Variants in EPS15 observed in about 807,000 individuals in gnomAD.
The protein encoded by EPS15 is epidermal growth factor receptor substrate 15.
EPS15 carries 72 observed loss-of-function variants against 113.8 expected under a neutral mutation model. That is an observed-to-expected ratio of 0.63 (90% CI 0.52 to 0.77). The LOEUF (loss-of-function observed/expected upper bound fraction) is 0.77, where lower values mean the gene tolerates loss of function less well. EPS15 is among the 30% of genes least tolerant of loss of function. EPS15 has a pLI of 0.00. For missense variants in EPS15, 1,048 were observed against 1,045.8 expected (o/e 1.00, Z -0.03); for synonymous variants, 344 against 363.4 (o/e 0.95, Z 0.61).
intron 17 of EPS15, among the ~76,000 whole-genome samples, chr1:51,403,078 A>G (rs2148420247): frequency 6.6e-6 from 1 of 152,270 alleles, no homozygotes; most frequent in Non-Finnish European, 1.5e-5. Context: ...TTTTTAAAAT[A>G]TCATTTAATT....
At chr1:51,359,619 T>G (rs1646333847) in intron 24 of EPS15, among the ~76,000 whole-genome samples, 1 of 145,444 alleles carries the variant, frequency 6.9e-6, no homozygotes, top group African/African-American at 2.6e-5. Context: ...ATTAGCCAGG[T>G]GTGGTGGGTA....
intron 12 of EPS15, among the ~76,000 whole-genome samples, chr1:51,434,235 T>C (rs1173603652): frequency 6.6e-6 from 1 of 152,202 alleles, no homozygotes; most frequent in East Asian, 1.9e-4. Context: ...TGAAATGGTA[T>C]TTGTATGTTC....
intron 19 of EPS15, 34 bp downstream of exon 19, chr1:51,400,884 T>G: frequency 2.0e-6 from 3 of 1,473,132 alleles, no homozygotes; most frequent in Non-Finnish European, 2.8e-6. Flanking sequence ...CAGAAATGAA[T>G]GAAAGCTAAG....
chr1:51,376,434 C>T (rs573809887), intron 21 of EPS15, among the ~76,000 whole-genome samples: 9 of 152,266 alleles, frequency 5.9e-5, no homozygotes, highest in Admixed American at 4.6e-4. Flanking sequence ...GAGGCCAAGG[C>T]GGGCAGATCA....
At chr1:51,508,340 G>A (rs867212512) in intron 1 of EPS15, among the ~76,000 whole-genome samples, 4 of 98,424 alleles carry the variant, frequency 4.1e-5, no homozygotes, top group African/African-American at 1.8e-4. Context: ...GAGAAAGAGA[G>A]AAAGAAAGAA....
chr1:51,486,510 T>C (rs995387444), intron 1 of EPS15, among the ~76,000 whole-genome samples: 1 of 150,794 alleles, frequency 6.6e-6, no homozygotes, highest in African/African-American at 2.4e-5. Context: ...TAATCATAAA[T>C]AGGGACAACT....
At chr1:51,516,507 T>C (rs1465728615) in intron 1 of EPS15, among the ~76,000 whole-genome samples, 2 of 152,224 alleles carry the variant, frequency 1.3e-5, no homozygotes, top group Non-Finnish European at 2.9e-5. Context: ...TACTCTAGCA[T>C]TCTATCATCT....
intron 21 of EPS15, among the ~76,000 whole-genome samples, chr1:51,393,101 A>T (rs1287334466): frequency 6.6e-6 from 1 of 152,196 alleles, no homozygotes; most frequent in African/African-American, 2.4e-5. Context: ...TCCTTTTTGT[A>T]TTCCTCACTC....
intron 7 of EPS15, among the ~76,000 whole-genome samples, chr1:51,462,870 A>ATTTTTTTTTTTTTTT (rs34320767): frequency 1.1e-4 from 12 of 111,068 alleles, no homozygotes; most frequent in African/African-American, 2.5e-4. Flanking sequence ...AAAAAGTCAG[A>ATTTTTTTTTTTTTTT]TTTTTTTTTT....
At chr1:51,418,406 T>G (rs1443531039) in intron 13 of EPS15, among the ~76,000 whole-genome samples, 1 of 152,094 alleles carries the variant, frequency 6.6e-6, no homozygotes, top group Non-Finnish European at 1.5e-5. Flanking sequence ...ACGAACAGAT[T>G]TGGCCTTAAG....
Position 51,354,834 on chromosome 1 carries a change from G to A in EPS15, c.*1866C>T, listed in dbSNP as rs1343208998. The A allele has an allele frequency of 1.0e-5, 2 of 200,082 alleles. No individual in the cohort carries two copies. The highest frequency in any genetic ancestry group is 1.2e-4 in the Admixed American group (2 of 16,610). The allele number at this position is 200,082 out of a possible 1,614,324, so 12.4% of individuals were successfully genotyped here. Reference sequence around the variant, plus strand: ...TACATTTATTACATTGAAAGTTGGTGTTTATAAGTTATAGATATTTAATAT... The same window carrying A: ...TACATTTATTACATTGAAAGTTGGTATTTATAAGTTATAGATATTTAATAT... On this transcript the variant is annotated 3_prime_UTR_variant, in exon 25 of 25. Coordinates refer to ENST00000371733, the MANE Select transcript of EPS15 (RefSeq NM_001981.3).
intron 13 of EPS15, among the ~76,000 whole-genome samples, chr1:51,417,375 CTTATT>C (rs1312186476): frequency 6.6e-6 from 1 of 152,120 alleles, no homozygotes; most frequent in Non-Finnish European, 1.5e-5. Flanking sequence ...GTTATATTGT[CTTATT>C]TTAAATTGTA....
intron 12 of EPS15, among the ~76,000 whole-genome samples, chr1:51,436,307 T>TTA (rs1243256789): frequency 6.6e-6 from 1 of 152,070 alleles, no homozygotes; most frequent in Non-Finnish European, 1.5e-5. Flanking sequence ...GGAAGTAGGA[T>TTA]GGTCCAAAGG....
chr1:51,394,221 G>A (rs1647675688), intron 21 of EPS15, 160 bp downstream of exon 21: 3 of 493,962 alleles, frequency 6.1e-6, no homozygotes, highest in African/African-American at 3.9e-5. Flanking sequence ...TAAGTAGAAA[G>A]TGATATACAA....
chr1:51,468,572 A>G lies in EPS15; in HGVS notation c.214-4T>C. 1 of 1,602,292 alleles carries G rather than the reference A, an allele frequency of 6.2e-7. No individual in the cohort carries two copies. Among genetic ancestry groups the G allele is most frequent in the Non-Finnish European group, 8.5e-7 (1 of 1,170,196 alleles). ...GACGCAAAGCAACAAAGAATTCCTA[A>G]GAAAGAAAAGTATGAATGTTAAGAG... On this transcript the variant is annotated splice_polypyrimidine_tract_variant and splice_region_variant and intron_variant, in intron 4 of 24. Transcript: ENST00000371733.
chr1:51,361,634 C>G (rs902215668), intron 23 of EPS15, among the ~76,000 whole-genome samples: 40 of 152,050 alleles, frequency 2.6e-4, no homozygotes, highest in South Asian at 2.1e-4. Flanking sequence ...CTGAATCCCA[C>G]CATCCCCTAG....
At chr1:51,457,092 T>C (rs2148494308) in intron 8 of EPS15, among the ~76,000 whole-genome samples, 1 of 152,166 alleles carries the variant, frequency 6.6e-6, no homozygotes, top group East Asian at 1.9e-4. Context: ...AAGACCATCC[T>C]GGCAAACACA....
At chr1:51,454,751 A>T (rs1299626117) in intron 8 of EPS15, among the ~76,000 whole-genome samples, 1 of 152,216 alleles carries the variant, frequency 6.6e-6, no homozygotes, top group Non-Finnish European at 1.5e-5. Context: ...GAAAGGAAAA[A>T]CTGGCGAAAC....
intron 8 of EPS15, among the ~76,000 whole-genome samples, chr1:51,460,635 G>T (rs899069439): frequency 2.6e-5 from 4 of 152,150 alleles, no homozygotes; most frequent in African/African-American, 4.8e-5. Context: ...CATTTGTTTA[G>T]AAAATAAATA....
Sources: gnomAD v4.1 joint callset for allele counts (sites outside exome capture counted in the v4.1 genomes callset) on GRCh38, gnomAD v4.1.1 for gene constraint, MANE v1.5 for transcripts, NCBI Gene and HGNC (gene_info 2026-07-23, HGNC 2026-07-21) for gene names.